EXOC6B: variants seen among roughly 807,000 people sequenced by gnomAD.
The protein encoded by EXOC6B is SEC15 homolog B.
Under a neutral mutation model 113.5 loss-of-function variants are expected in EXOC6B, and 54 were observed. The observed-to-expected ratio is 0.48, with a 90% CI of 0.38 to 0.60. EXOC6B has a LOEUF of 0.60. Ranked by LOEUF, EXOC6B falls within the 20% of genes least tolerant of loss-of-function variation. The pLI is 0.00. For missense variants in EXOC6B, 797 were observed against 977.5 expected, an observed-to-expected ratio of 0.82 and a Z score of 2.46; for synonymous variants, 357 against 339.0, an observed-to-expected ratio of 1.05 and a Z score of -0.58.
chr2:72,225,914 G>C (rs894989697), intron 20 of EXOC6B, among the ~76,000 whole-genome samples: 2 of 152,126 alleles, frequency 1.3e-5, no homozygotes, highest in Non-Finnish European at 2.9e-5. Flanking sequence ...GAGTGGAGCT[G>C]CTGGATCAAA....
rs1167576347 is a variant in EXOC6B, at chr2:72,542,548, T to C, written c.915+16905A>G. The stretch of plus-strand genomic sequence containing the variant: ...CACAATTTAAAATAAATCAATTCTA[T>C]TCATTGGTTAAAAAGCAAATCCTTC... On this transcript the variant is annotated intron_variant, in intron 8 of 21. Coordinates refer to ENST00000272427, the MANE Select transcript of EXOC6B (RefSeq NM_015189.3). Among the ~76,000 whole-genome samples the C allele has an allele frequency of 4.6e-5, 7 of 152,208 alleles. No homozygotes were observed. The South Asian group carries it at 1.2e-3, about 27-fold the overall frequency.
At chr2:72,367,688 C>T (rs953486832) in intron 19 of EXOC6B, among the ~76,000 whole-genome samples, 16 of 152,274 alleles carry the variant, frequency 1.1e-4, no homozygotes, top group African/African-American at 3.8e-4. Context: ...TCCCCCATCC[C>T]CTGGCAGTGG....
intron 1 of EXOC6B, among the ~76,000 whole-genome samples, chr2:72,803,916 T>A (rs1343293702): frequency 1.3e-5 from 2 of 152,192 alleles, no homozygotes; most frequent in African/African-American, 4.8e-5. Flanking sequence ...AAAGAAACCA[T>A]ACTTAAGAAT....
intron 18 of EXOC6B, among the ~76,000 whole-genome samples, chr2:72,401,972 C>A (rs1013705097): frequency 6.6e-6 from 1 of 150,766 alleles, no homozygotes. Flanking sequence ...TTTTTAAAAT[C>A]CTTCAAAAAT....
chr2:72,608,776 G>A (rs1030437506), intron 6 of EXOC6B, among the ~76,000 whole-genome samples: 4 of 151,952 alleles, frequency 2.6e-5, no homozygotes, highest in African/African-American at 9.7e-5. Context: ...ATTTAAAAAA[G>A]CAGAAGAGAT....
At position 72,284,274 on chromosome 2, in the gene EXOC6B, C is replaced by T. The variant is rs148003024; in HGVS notation, c.2196+50673G>A. 7.4e-4 allele frequency among the ~76,000 whole-genome samples: 112 copies of T among 152,080 alleles called. 2 individuals carry two copies. In the East Asian group the frequency reaches 0.019, roughly 25 times the overall value. ...CAACAATGTATAAAAGAATCGTATA[C>T]CATAACTAAGTGGGATTTATCCCAG... On this transcript the variant is annotated intron_variant, in intron 20 of 21. Coordinates refer to ENST00000272427, the MANE Select transcript of EXOC6B (RefSeq NM_015189.3).
At chr2:72,398,887 T>C (rs755064387) in intron 18 of EXOC6B, among the ~76,000 whole-genome samples, 20 of 150,858 alleles carry the variant, frequency 1.3e-4, no homozygotes, top group Non-Finnish European at 2.9e-4. Flanking sequence ...GTATCTAGAG[T>C]ATAAAATAAA....
rs1491408108 is a variant in EXOC6B, at chr2:72,493,320, C to CCT, written c.1554-892_1554-891insAG. Among the ~76,000 whole-genome samples, 11 of 1,258 alleles carry CCT rather than the reference C, an allele frequency of 8.7e-3. 1 individual carries two copies. The highest frequency in any genetic ancestry group is 0.01 in the African/African-American group (10 of 954). The allele number at this position is 1,258 out of a possible 152,430, so 0.8% of individuals were successfully genotyped here. A position where few individuals can be genotyped will look rare whatever the true frequency, so the allele number is the denominator to read the frequency against. Reference sequence around the variant, plus strand: ...AATTTTGTACCTTCTCTGTTTTTCTCCCCCCCCCCCCCCCGCATTTTTACA... The same window carrying CCT: ...AATTTTGTACCTTCTCTGTTTTTCTCCTCCCCCCCCCCCCCCGCATTTTTACA... On this transcript the variant is annotated intron_variant, in intron 15 of 21. Coordinates refer to ENST00000272427, the MANE Select transcript of EXOC6B (RefSeq NM_015189.3).
At chr2:72,260,813 C>T (rs539229650) in intron 20 of EXOC6B, among the ~76,000 whole-genome samples, 12 of 152,210 alleles carry the variant, frequency 7.9e-5, no homozygotes, top group East Asian at 3.9e-4. Flanking sequence ...CCACCAAAAC[C>T]GAGGTCTTAT....
rs1024169897 is a variant in EXOC6B at position 72,595,355 on chromosome 2, T to C, written c.670-19687A>G. Among the ~76,000 whole-genome samples, 9 of 147,966 alleles carry C rather than the reference T, an allele frequency of 6.1e-5. No homozygotes were observed. In the South Asian group the frequency reaches 1.7e-3, roughly 28 times the overall value. On this transcript the variant is annotated intron_variant, in intron 6 of 21. Coordinates refer to ENST00000272427, the MANE Select transcript of EXOC6B (RefSeq NM_015189.3). ...AGAAAATGAACAAAAAGGAAAGATA[T>C]GTAAAGATAGGCTAATAATATAATT...
At chr2:72,801,813 A>C (rs1685291475) in intron 1 of EXOC6B, among the ~76,000 whole-genome samples, 1 of 152,206 alleles carries the variant, frequency 6.6e-6, no homozygotes, top group African/African-American at 2.4e-5. Context: ...TACCATGAGA[A>C]GATTCACGTA....
chr2:72,663,708 A>G (rs918199432), intron 6 of EXOC6B, among the ~76,000 whole-genome samples: 29 of 151,962 alleles, frequency 1.9e-4, no homozygotes, highest in African/African-American at 7.0e-4. Context: ...AGGGAGGGGG[A>G]GGGATGAAGA....
chr2:72,393,185 C>A (rs1692495928), intron 18 of EXOC6B, among the ~76,000 whole-genome samples: 1 of 151,920 alleles, frequency 6.6e-6, no homozygotes, highest in African/African-American at 2.4e-5. Flanking sequence ...GCCTCTACCT[C>A]CCAGTTCAAG....
chr2:72,721,364 T>TAAAAAAAAAA (rs11408155), intron 5 of EXOC6B, among the ~76,000 whole-genome samples: 1 of 28,502 alleles, frequency 3.5e-5, no homozygotes, highest in Non-Finnish European at 6.0e-5. Context: ...GTTGTTTTTG[T>TAAAAAAAAAA]AAAAAAAAAA....
At chr2:72,521,071 C>T (rs566505629) in intron 8 of EXOC6B, among the ~76,000 whole-genome samples, 14 of 152,208 alleles carry the variant, frequency 9.2e-5, no homozygotes, top group Admixed American at 7.2e-4. Flanking sequence ...GTAAGAGATG[C>T]GGCCTTTAAG....
intron 6 of EXOC6B, among the ~76,000 whole-genome samples, chr2:72,623,179 T>C (rs545858038): frequency 6.6e-6 from 1 of 152,270 alleles, no homozygotes; most frequent in South Asian, 2.1e-4. Flanking sequence ...AAAAAATCCA[T>C]TAAAAAAATT....
intron 6 of EXOC6B, among the ~76,000 whole-genome samples, chr2:72,616,583 G>C (rs1558847964): frequency 1.3e-5 from 2 of 152,204 alleles, no homozygotes; most frequent in Non-Finnish European, 1.5e-5. Context: ...CAGGCAAAGA[G>C]AGAGCTTGTG....
intron 18 of EXOC6B, among the ~76,000 whole-genome samples, chr2:72,442,019 C>T (rs905515155): frequency 3.9e-5 from 6 of 152,146 alleles, no homozygotes; most frequent in Non-Finnish European, 8.8e-5. Context: ...TACTGCAAAT[C>T]AAATCGAGCA....
Position 72,718,303 on chromosome 2 carries a change from A to G in EXOC6B, c.469T>C (p.Tyr157His). 1 of 1,613,234 alleles carries G rather than the reference A, an allele frequency of 6.2e-7. No homozygotes were observed. The highest frequency in any genetic ancestry group is 8.5e-7 in the Non-Finnish European group (1 of 1,179,448). The change falls in exon 6 of 22, where the codon TAT becomes CAT. Residue 157 changes from tyrosine (Y) to histidine (H), a missense_variant. Coordinates refer to ENST00000272427, the MANE Select transcript of EXOC6B (RefSeq NM_015189.3). ...TGTTCCAGAGTTTTCAGTGCAGGAT[A>G]ATGCCTACAAAAGGAATTGATCACC... is the stretch of plus-strand genomic sequence containing the variant. The part of the protein sequence containing the change: ...LRDQMKTKRH[Y>H]PALKTLEHLE...
Sources: gnomAD v4.1 joint callset for allele counts (sites outside exome capture counted in the v4.1 genomes callset) on GRCh38, gnomAD v4.1.1 for gene constraint, MANE v1.5 for transcripts, NCBI Gene and HGNC (gene_info 2026-07-23, HGNC 2026-07-21) for gene names.